The following SLC39A11 variants were observed in gnomAD, a reference collection of about 807,000 sequenced individuals.
The protein encoded by SLC39A11 is solute carrier family 39 member 11, also known as zinc transporter ZIP11.
In SLC39A11, 33 loss-of-function variants were observed where a neutral mutation model predicts 36.1. The ratio of observed to expected loss-of-function variants is 0.91; its 90% CI spans 0.69 to 1.22. The LOEUF (loss-of-function observed/expected upper bound fraction) is 1.22. Ranked by LOEUF, SLC39A11 falls within the 50% of genes most tolerant of loss-of-function variation. The pLI, the probability that SLC39A11 is intolerant of heterozygous loss-of-function variation, is 0.00. For synonymous variants in SLC39A11, 166 were observed against 170.3 expected, an observed-to-expected ratio of 0.97 and a Z score of 0.20; for missense variants, 432 against 430.3, an observed-to-expected ratio of 1.00 and a Z score of -0.03.
intron 5 of SLC39A11, among the ~76,000 whole-genome samples, chr17:72,912,644 G>C (rs905742763): frequency 7.9e-5 from 12 of 152,032 alleles, no homozygotes; most frequent in African/African-American, 2.9e-4. Flanking sequence ...ACTTCAGTAG[G>C]CTGACGGAGG....
chr17:72,701,680 G>T (rs533365072), intron 7 of SLC39A11, among the ~76,000 whole-genome samples: 10 of 134,244 alleles, frequency 7.4e-5, no homozygotes, highest in Admixed American at 5.0e-4. Context: ...GGGAGCCGAG[G>T]TTGTACCACT....
intron 7 of SLC39A11, among the ~76,000 whole-genome samples, chr17:72,735,133 C>G (rs2074369998): frequency 6.6e-6 from 1 of 152,182 alleles, no homozygotes; most frequent in Admixed American, 6.5e-5. Flanking sequence ...ACTTGGGAGT[C>G]TGAGAGGCAG....
intron 5 of SLC39A11, among the ~76,000 whole-genome samples, chr17:72,917,749 C>A (rs966960436): frequency 2.0e-5 from 3 of 152,176 alleles, no homozygotes; most frequent in Admixed American, 1.3e-4. Flanking sequence ...AAATATCTAA[C>A]ATGCTAAGTG....
At chr17:72,925,762 T>C (rs948848874) in intron 5 of SLC39A11, among the ~76,000 whole-genome samples, 1 of 152,204 alleles carries the variant, frequency 6.6e-6, no homozygotes, top group African/African-American at 2.4e-5. Context: ...GTCATGAGTT[T>C]CCACCAATTC....
At position 72,703,834 on chromosome 17, in the gene SLC39A11, AGAC is replaced by A. The variant is rs201989987; in HGVS notation, c.671+32813_671+32815del. Among the ~76,000 whole-genome samples the A allele has an allele frequency of 3.2e-3, 486 of 152,312 alleles. 1 individual carries two copies. The highest frequency in any genetic ancestry group is 0.011 in the African/African-American group (464 of 41,570). On this transcript the variant is annotated intron_variant, in intron 7 of 9. Coordinates refer to ENST00000255559, the MANE Select transcript of SLC39A11 (RefSeq NM_139177.4). ...AAACAGAGGAACCCACCTCAAAATA[AGAC>A]AAACTGTTGGCCGGGGGTGGTGGCT...
intron 6 of SLC39A11, among the ~76,000 whole-genome samples, chr17:72,798,418 CTTTT>C (rs3060856): frequency 1.4e-5 from 2 of 143,012 alleles, no homozygotes; most frequent in East Asian, 2.0e-4. Context: ...TTCTTTCTTT[CTTTT>C]TTTTTTTTTG....
chr17:72,679,126 A>T (rs2071401758), intron 7 of SLC39A11, among the ~76,000 whole-genome samples: 2 of 152,174 alleles, frequency 1.3e-5, no homozygotes, highest in African/African-American at 2.4e-5. Flanking sequence ...GAGGGAAGAG[A>T]GGAGAAGAGT....
intron 4 of SLC39A11, among the ~76,000 whole-genome samples, chr17:73,015,016 T>C (rs1252770125): frequency 1.3e-5 from 2 of 152,182 alleles, no homozygotes; most frequent in Non-Finnish European, 2.9e-5. Flanking sequence ...GCACAGTCTA[T>C]CAGTCAGTGC....
intron 5 of SLC39A11, among the ~76,000 whole-genome samples, chr17:72,873,899 G>A (rs2080769040): frequency 6.6e-6 from 1 of 152,106 alleles, no homozygotes; most frequent in East Asian, 1.9e-4. Flanking sequence ...TGCTATTCTC[G>A]TGATTCCTTC....
At chr17:73,079,538 T>C (rs2060445627) in intron 3 of SLC39A11, among the ~76,000 whole-genome samples, 1 of 152,026 alleles carries the variant, frequency 6.6e-6, no homozygotes, top group Admixed American at 6.6e-5. Flanking sequence ...CAACCAACAT[T>C]ATACTGAAAG....
intron 6 of SLC39A11, among the ~76,000 whole-genome samples, chr17:72,776,608 T>C (rs1054305832): frequency 2.7e-5 from 2 of 73,912 alleles, no homozygotes; most frequent in Non-Finnish European, 6.2e-5. Context: ...ATACTTTGCA[T>C]GGAAAAAAAA....
intron 6 of SLC39A11, among the ~76,000 whole-genome samples, chr17:72,793,257 G>C (rs948172059): frequency 1.3e-5 from 2 of 152,172 alleles, no homozygotes; most frequent in African/African-American, 4.8e-5. Context: ...GATCAAAGAA[G>C]AGAGGCAGGG....
At chr17:72,861,824 G>A (rs1240246856) in intron 5 of SLC39A11, among the ~76,000 whole-genome samples, 1 of 124,422 alleles carries the variant, frequency 8.0e-6, no homozygotes, top group Non-Finnish European at 1.7e-5. Flanking sequence ...CTATTTTCAG[G>A]CTGATTTTTG....
chr17:72,719,467 G>T (rs1598437880), intron 7 of SLC39A11, among the ~76,000 whole-genome samples: 1 of 152,046 alleles, frequency 6.6e-6, no homozygotes, highest in African/African-American at 2.4e-5. Flanking sequence ...TTAAAATGAA[G>T]ACCCTGCCCC....
intron 7 of SLC39A11, among the ~76,000 whole-genome samples, chr17:72,735,491 T>C (rs763548139): frequency 2.0e-5 from 3 of 152,184 alleles, no homozygotes; most frequent in African/African-American, 7.2e-5. Flanking sequence ...ATTTTGGGAC[T>C]GCATCAGTCT....
At chr17:72,941,478 G>A (rs148759980) in intron 5 of SLC39A11, among the ~76,000 whole-genome samples, 24 of 152,140 alleles carry the variant, frequency 1.6e-4, no homozygotes, top group African/African-American at 5.8e-4. Flanking sequence ...ACACATGTGA[G>A]TGCCAAATTG....
chr17:73,006,679 T>C (rs890736870), intron 4 of SLC39A11, among the ~76,000 whole-genome samples: 39 of 132,726 alleles, frequency 2.9e-4, no homozygotes, highest in African/African-American at 7.1e-4. Flanking sequence ...CACACACACA[T>C]GCACACACGC....
rs140134604 is a variant in SLC39A11 at position 72,897,167 on chromosome 17, G to A, written c.431-47363C>T. On this transcript the variant is annotated intron_variant, in intron 5 of 9. Coordinates refer to ENST00000255559, the MANE Select transcript of SLC39A11 (RefSeq NM_139177.4). ...AGGAAGCATGGAAACCAATTTGGGA[G>A]CTCCTGTAGTAATTCATGGCAGAGA... Among the ~76,000 whole-genome samples, 19 of 152,122 alleles carry A rather than the reference G, an allele frequency of 1.2e-4. No homozygotes were observed. The East Asian group carries it at 3.3e-3, about 26-fold the overall frequency.
Position 72,947,816 on chromosome 17 carries a change from C to G in SLC39A11, c.366G>C (p.Lys122Asn). 2 of 1,614,192 alleles carry G rather than the reference C, an allele frequency of 1.2e-6. No individual in the cohort carries two copies. The highest frequency in any genetic ancestry group is 1.7e-6 in the Non-Finnish European group (2 of 1,180,034). The change falls in exon 5 of 10, where the codon AAG becomes AAC. Residue 122 changes from lysine to asparagine, a missense_variant. Transcript: ENST00000255559. The stretch of plus-strand genomic sequence containing the variant: ...CGGGACCCTCAGGATCAGACTTCTT[C>G]TTCATCAACGTAGAGCCGAAGTTCA... ...LALNFGSTLMKKKSDPEGPAL... is the reference protein window; with the variant it reads ...LALNFGSTLMNKKSDPEGPAL...
Sources: allele counts gnomAD v4.1 joint callset (sites outside exome capture counted in the v4.1 genomes callset), GRCh38; gene constraint gnomAD v4.1.1; transcripts MANE v1.5; gene names NCBI Gene and HGNC (gene_info 2026-07-23, HGNC 2026-07-21).